MAP3K12: variants seen among roughly 807,000 people sequenced by gnomAD.
MAP3K12 encodes the protein mitogen-activated protein kinase kinase kinase 12, also known as MAPK-upstream kinase.
MAP3K12 carries 14 observed loss-of-function variants against 87.5 expected under a neutral mutation model. That is an observed-to-expected ratio of 0.16 (90% CI 0.11 to 0.25). MAP3K12 has a LOEUF of 0.25. MAP3K12 is among the 10% of genes least tolerant of loss of function. The pLI is 1.00. For synonymous variants in MAP3K12, 469 were observed against 452.5 expected (o/e 1.04, Z -0.46); for missense variants, 802 against 1,140.4 (o/e 0.70, Z 4.27).
chr12:53,488,718 G>A (rs912943403), intron 1 of MAP3K12, among the ~76,000 whole-genome samples: 4 of 152,102 alleles, frequency 2.6e-5, no homozygotes, highest in Non-Finnish European at 4.4e-5. Flanking sequence ...CTGGCACGGT[G>A]TGTTGGCTCA....
intron 1 of MAP3K12, among the ~76,000 whole-genome samples, chr12:53,491,153 C>T (rs184023519): frequency 1.3e-5 from 2 of 149,856 alleles, no homozygotes; most frequent in Admixed American, 6.6e-5. Flanking sequence ...CCAGGTGGGG[C>T]GGCGGTCGCC....
chr12:53,495,317 C>T (rs779572868), intron 1 of MAP3K12, among the ~76,000 whole-genome samples: 151 of 111,312 alleles, frequency 1.4e-3, no homozygotes, highest in Middle Eastern at 0.01. Flanking sequence ...CCAGCCTAGG[C>T]GACAGAGCAA....
chr12:53,496,729 A>G (rs770969535), intron 1 of MAP3K12, among the ~76,000 whole-genome samples: 9 of 152,212 alleles, frequency 5.9e-5, no homozygotes, highest in Non-Finnish European at 1.2e-4. Context: ...AACAACTTTG[A>G]ATTGCTTTTA....
chr12:53,483,355 C>T lies in MAP3K12; in HGVS notation c.1607G>A (p.Ser536Asn), dbSNP rs1369082999. Reference sequence around the variant, plus strand: ...CACAGTACTCATGTCCCACCTTTTGCTATGGGGTGACAGCTTCTGTGGCAC... The same window carrying T: ...CACAGTACTCATGTCCCACCTTTTGTTATGGGGTGACAGCTTCTGTGGCAC... ...RNVPQKLSPH[S>N]KRPDILKTES... is the part of the protein sequence containing the mutation. Residue 536 changes from serine (S) to asparagine (N), a missense_variant, in exon 10 of 14, where the codon AGC (serine) becomes AAC (asparagine). Physicochemically the swap from Ser to Asn is conservative, Grantham distance 46 (BLOSUM62 1). Transcript: ENST00000547488. 3 of 1,613,864 alleles carry T rather than the reference C, an allele frequency of 1.9e-6. No homozygotes were observed. In the African/African-American group the frequency reaches 4.0e-5, roughly 22 times the overall value.
chr12:53,487,183 T>C lies in MAP3K12; in HGVS notation c.209A>G (p.Glu70Gly), dbSNP rs773315703. 2 of 1,613,614 alleles carry C rather than the reference T, an allele frequency of 1.2e-6. No homozygotes were observed. Among genetic ancestry groups the C allele is most frequent in the Non-Finnish European group, 1.7e-6 (2 of 1,179,832 alleles). The change falls in exon 2 of 14, where the codon GAG becomes GGG. Residue 70 changes from glutamate (E) to glycine (G), a missense_variant. This residue lies in a region of MAP3K12 where 135 missense variants were observed against 151.6 expected (regional missense o/e 0.89). Coordinates refer to ENST00000547488, the MANE Select transcript of MAP3K12 (RefSeq NM_001193511.2). ...GTTGGCAAAAGGCTCAGGGGGCGGC[T>C]CTCCACCTGGGGAGGGGCTGGGCCC... is the stretch of plus-strand genomic sequence containing the variant. ...GGGPSPSPGG[E>G]PPPEPFANSV...
chr12:53,490,277 C>T (rs1200459954), intron 1 of MAP3K12, among the ~76,000 whole-genome samples: 10 of 151,960 alleles, frequency 6.6e-5, no homozygotes, highest in Non-Finnish European at 1.3e-4. Context: ...GTACTCCAGC[C>T]TGGGTGACAG....
Position 53,481,945 on chromosome 12 carries a change from T to C in MAP3K12, c.2576A>G (p.Glu859Gly), listed in dbSNP as rs753140443. 6.2e-7 allele frequency: 1 copy of C among 1,611,470 alleles called. No individual in the cohort carries two copies. Among genetic ancestry groups the C allele is most frequent in the South Asian group, 1.1e-5 (1 of 91,032 alleles). The part of the protein sequence containing the change: ...LPIPHQELLR[E>G]RGPPNSEDSD... ...TTTTGCTGTTGTGCCACTCACCCGCTCTCTGAGAAGTTCCTGGTGTGGAAT... is the reference window on the plus strand; with the variant it reads ...TTTTGCTGTTGTGCCACTCACCCGCCCTCTGAGAAGTTCCTGGTGTGGAAT... The change falls in exon 13 of 14, where the codon GAG becomes GGG. Residue 859 changes from glutamate to glycine, a missense_variant. Transcript: ENST00000547488.
chr12:53,487,469 C>G (rs1943260223), intron 1 of MAP3K12, 41 bp from the exon 2 acceptor site: 3 of 1,529,062 alleles, frequency 2.0e-6, no homozygotes, highest in African/African-American at 1.4e-5. Context: ...TGTTAAAGCC[C>G]CAGGACTGCC....
chr12:53,480,471 A>G lies in MAP3K12; in HGVS notation c.*711T>C, dbSNP rs1423830358. On this transcript the variant is annotated 3_prime_UTR_variant, in exon 14 of 14. Transcript: ENST00000547488. Reference sequence around the variant, plus strand: ...ACCATGTATGGTACCCCATTCATTCATCAAGAAAACCCTCAACAGCTGGGC... The same window carrying G: ...ACCATGTATGGTACCCCATTCATTCGTCAAGAAAACCCTCAACAGCTGGGC... 1 of 152,616 alleles carries G rather than the reference A, an allele frequency of 6.6e-6. No homozygotes were observed. Among genetic ancestry groups the G allele is most frequent in the Non-Finnish European group, 1.5e-5 (1 of 68,036 alleles). The allele number at this position is 152,616 out of a possible 1,614,324, so 9.5% of individuals were successfully genotyped here.
At chr12:53,489,700 G>T (rs866449710) in intron 1 of MAP3K12, among the ~76,000 whole-genome samples, 1 of 152,182 alleles carries the variant, frequency 6.6e-6, no homozygotes, top group East Asian at 1.9e-4. Context: ...CATCTAGAAG[G>T]GTTCAGTAGA....
rs1943082044 is a variant in MAP3K12 at position 53,482,384 on chromosome 12, G to T, written c.2239-15C>A. ...ATGCCACGTTTCTGCAGGAGAGATG[G>T]GGTGGGGGGGGTCTGATTAGAAGTG... On this transcript the variant is annotated splice_polypyrimidine_tract_variant and intron_variant, in intron 11 of 13. Coordinates refer to ENST00000547488, the MANE Select transcript of MAP3K12 (RefSeq NM_001193511.2). The T allele has an allele frequency of 1.2e-6, 2 of 1,613,388 alleles. No homozygotes were observed. The highest frequency in any genetic ancestry group is 4.5e-5 in the East Asian group (2 of 44,880).
intron 1 of MAP3K12, among the ~76,000 whole-genome samples, chr12:53,491,207 G>C (rs1943388880): frequency 6.8e-6 from 1 of 147,708 alleles, no homozygotes; most frequent in Non-Finnish European, 1.5e-5. Flanking sequence ...AGAATCACTT[G>C]AACCCGGGAG....
intron 1 of MAP3K12, among the ~76,000 whole-genome samples, chr12:53,496,974 G>A (rs561947891): frequency 1.7e-4 from 26 of 152,250 alleles, no homozygotes; most frequent in African/African-American, 6.0e-4. Context: ...ATTGCTAAAC[G>A]GGGACAGTGG....
In MAP3K12 at chr12:53,485,457, G is replaced by A. The variant is rs1943201685; in HGVS notation, c.840C>T (p.Asp280=). 1.2e-6 allele frequency: 2 copies of A among 1,613,916 alleles called. No individual in the cohort carries two copies. Among genetic ancestry groups the A allele is most frequent in the East Asian group, 2.2e-5 (1 of 44,900 alleles). ...LKSPNMLITY[D]DVVKISDFGT... is the part of the protein sequence containing the mutation. The stretch of plus-strand genomic sequence containing the variant: ...CAAAATCTGAGATCTTCACCACATC[G>A]TCGTAGGTGATTAGCATGCTGGTAA... The change falls in exon 5 of 14, where the codon GAC becomes GAT. Residue 280 remains aspartate (D), a synonymous_variant. Coordinates refer to ENST00000547488, the MANE Select transcript of MAP3K12 (RefSeq NM_001193511.2).
chr12:53,481,739 T>G (rs1266292601), intron 13 of MAP3K12: 7 of 595,080 alleles, frequency 1.2e-5, no homozygotes, highest in Non-Finnish European at 2.0e-5. Flanking sequence ...TGGCTGCAAT[T>G]TATAGCTACA....
intron 1 of MAP3K12, among the ~76,000 whole-genome samples, chr12:53,498,256 T>A (rs1943583271): frequency 6.6e-6 from 1 of 152,174 alleles, no homozygotes; most frequent in Non-Finnish European, 1.5e-5. Flanking sequence ...GTCCTATCCT[T>A]CCTAAATCCT....
At chr12:53,488,900 C>T (rs1290004990) in intron 1 of MAP3K12, among the ~76,000 whole-genome samples, 2 of 149,424 alleles carry the variant, frequency 1.3e-5, no homozygotes, top group Non-Finnish European at 3.0e-5. Flanking sequence ...GCCAACATGG[C>T]GAAACCCTGT....
Position 53,487,045 on chromosome 12 carries a change from C to T in MAP3K12, c.347G>A (p.Ser116Asn), listed in dbSNP as rs1943245408. ...RADEVRLQCQ[S>N]GSGFLEGLFG... is the part of the protein sequence containing the mutation. The stretch of plus-strand genomic sequence containing the variant: ...GAGGCCCTCAAGGAAGCCACTGCCA[C>T]TCTGGCACTGCAGTCGCACCTCGTC... Residue 116 changes from serine to asparagine, a missense_variant, in exon 2 of 14, where the codon AGT (serine) becomes AAT (asparagine). Physicochemically the swap from Ser to Asn is conservative, Grantham distance 46 (BLOSUM62 1). This residue lies in a region of MAP3K12 where 135 missense variants were observed against 151.6 expected (regional missense o/e 0.89). Coordinates refer to ENST00000547488, the MANE Select transcript of MAP3K12 (RefSeq NM_001193511.2). 1 of 1,614,036 alleles carries T rather than the reference C, an allele frequency of 6.2e-7. No individual in the cohort carries two copies. Among genetic ancestry groups the T allele is most frequent in the South Asian group, 1.1e-5 (1 of 91,088 alleles).
chr12:53,484,131 T>C (rs1383537630), intron 7 of MAP3K12, 111 bp from the exon 8 acceptor site: 10 of 1,377,098 alleles, frequency 7.3e-6, no homozygotes, highest in South Asian at 2.4e-5. Context: ...AAGGAGTGGA[T>C]TGACTCAGCC....
Sources: allele counts gnomAD v4.1 joint callset (sites outside exome capture counted in the v4.1 genomes callset), GRCh38; gene constraint gnomAD v4.1.1; regional missense constraint gnomAD v4.1.1; transcripts MANE v1.5; gene names NCBI Gene and HGNC (gene_info 2026-07-23, HGNC 2026-07-21).